JDP2: variants seen among roughly 807,000 people sequenced by gnomAD.
JDP2 encodes the protein progesterone receptor co-activator.
Under a neutral mutation model 17.1 loss-of-function variants are expected in JDP2, and 9 were observed. The ratio of observed to expected loss-of-function variants is 0.53; its 90% CI spans 0.32 to 0.92. The LOEUF (loss-of-function observed/expected upper bound fraction) is 0.92, where lower values mean the gene tolerates loss of function less well. Among genes scored for constraint, JDP2 ranks in the 40% least tolerant of loss-of-function variants. The pLI, the probability that JDP2 is intolerant of heterozygous loss-of-function variation, is 0.04. For missense variants in JDP2, 179 were observed against 220.0 expected, an observed-to-expected ratio of 0.81 and a Z score of 1.18; for synonymous variants, 107 against 95.6, an observed-to-expected ratio of 1.12 and a Z score of -0.69.
chr14:75,436,394 C>G (rs1325857162), intron 1 of JDP2, among the ~76,000 whole-genome samples: 1 of 152,210 alleles, frequency 6.6e-6, no homozygotes, highest in African/African-American at 2.4e-5. Flanking sequence ...ACATCTCTCT[C>G]CATGGGAAGA....
chr14:75,440,839 G>T (rs887341810), intron 2 of JDP2, among the ~76,000 whole-genome samples: 1 of 152,182 alleles, frequency 6.6e-6, no homozygotes, highest in African/African-American at 2.4e-5. Flanking sequence ...TAGTGTTGTT[G>T]CTGTTGTTAT....
At chr14:75,463,935 G>A (rs991482040) in intron 3 of JDP2, among the ~76,000 whole-genome samples, 2 of 152,242 alleles carry the variant, frequency 1.3e-5, no homozygotes, top group African/African-American at 4.8e-5. Flanking sequence ...CTGCAGGAGG[G>A]GAGACGCACA....
At chr14:75,448,401 GCT>G (rs1885704126) in intron 2 of JDP2, among the ~76,000 whole-genome samples, 1 of 152,190 alleles carries the variant, frequency 6.6e-6, no homozygotes, top group Non-Finnish European at 1.5e-5. Context: ...GGATTCTGAT[GCT>G]CTCTGCACAT....
intron 2 of JDP2, among the ~76,000 whole-genome samples, chr14:75,438,728 G>A (rs1594949930): frequency 6.6e-6 from 1 of 152,212 alleles, no homozygotes. Context: ...CACACGTGGA[G>A]CACCCACATG....
Position 75,469,689 on chromosome 14 carries a change from C to T in JDP2, c.*214C>T. The stretch of plus-strand genomic sequence containing the variant: ...TGAGGAAACCCAGAGGGACCAAGCG[C>T]TGAGACCAAAGTTGACCCTCGGGTA... On this transcript the variant is annotated 3_prime_UTR_variant, in exon 4 of 4. Coordinates refer to ENST00000651602, the MANE Select transcript of JDP2 (RefSeq NM_001135048.2). The T allele has an allele frequency of 1.8e-6, 1 of 558,376 alleles. No homozygotes were observed. The highest frequency in any genetic ancestry group is 2.2e-5 in the South Asian group (1 of 46,182). 34.6% of individuals were successfully genotyped at this position (558,376 alleles called of 1,614,324 possible). A position where few individuals can be genotyped will look rare whatever the true frequency, so the allele number is the denominator to read the frequency against.
At chr14:75,456,981 C>T (rs1886140516) in intron 2 of JDP2, among the ~76,000 whole-genome samples, 1 of 152,212 alleles carries the variant, frequency 6.6e-6, no homozygotes, top group African/African-American at 2.4e-5. Context: ...ACTGCCAGGA[C>T]CCGGATGGCC....
At chr14:75,439,766 G>A (rs1885249466) in intron 2 of JDP2, among the ~76,000 whole-genome samples, 1 of 152,188 alleles carries the variant, frequency 6.6e-6, no homozygotes, top group Admixed American at 6.5e-5. Context: ...TCTTCACGAT[G>A]GAGGGTCCTT....
chr14:75,455,296 C>T (rs1389400348), intron 2 of JDP2, among the ~76,000 whole-genome samples: 3 of 152,146 alleles, frequency 2.0e-5, no homozygotes, highest in Admixed American at 1.3e-4. Context: ...AGGAAGTGCT[C>T]GCTGTGGGGA....
chr14:75,461,494 G>T lies in JDP2; in HGVS notation c.270G>T (p.Arg90=). Residue 90 remains arginine (R), a synonymous_variant, in exon 3 of 4, where the codon CGG becomes CGT. Transcript: ENST00000651602. The part of the protein sequence containing the change: ...EKNKVAAARC[R]NKKKERTEFL... ...ACAAAGTCGCAGCAGCCCGATGCCGGAACAAGAAGAAGGAGCGCACGGAGT... is the reference window on the plus strand; with the variant it reads ...ACAAAGTCGCAGCAGCCCGATGCCGTAACAAGAAGAAGGAGCGCACGGAGT... The T allele has an allele frequency of 6.2e-7, 1 of 1,609,502 alleles. No homozygotes were observed. The highest frequency in any genetic ancestry group is 1.1e-5 in the South Asian group (1 of 89,600).
chr14:75,430,339 A>T lies in JDP2; in HGVS notation c.-24+2087A>T, dbSNP rs1422358456. ...TCTGTATTCATTCAGCTCCAGCTCA[A>T]CTTGAGCAATCAGAGCCAGGGTTGA... On this transcript the variant is annotated intron_variant, in intron 1 of 3. Coordinates refer to ENST00000651602, the MANE Select transcript of JDP2 (RefSeq NM_001135048.2). The surrounding 1 kb of genome is among the most constrained non-coding windows in gnomAD (Gnocchi z 4.5). Among the ~76,000 whole-genome samples, 2 of 152,212 alleles carry T rather than the reference A, an allele frequency of 1.3e-5. No homozygotes were observed. Among genetic ancestry groups the T allele is most frequent in the Non-Finnish European group, 2.9e-5 (2 of 68,032 alleles).
chr14:75,438,180 C>A, intron 2 of JDP2, 59 bp downstream of exon 2: 1 of 1,327,736 alleles, frequency 7.5e-7, no homozygotes, highest in Non-Finnish European at 1.0e-6. Context: ...CACCATGGGA[C>A]CTTAACCTTG....
chr14:75,446,474 A>G (rs1249616574), intron 2 of JDP2, among the ~76,000 whole-genome samples: 1 of 152,262 alleles, frequency 6.6e-6, no homozygotes, highest in Non-Finnish European at 1.5e-5. Flanking sequence ...ATTTAGCCAT[A>G]AAAAGGAATG....
chr14:75,456,620 C>G (rs1886117904), intron 2 of JDP2, among the ~76,000 whole-genome samples: 1 of 152,174 alleles, frequency 6.6e-6, no homozygotes, highest in South Asian at 2.1e-4. Context: ...CGTCTTGGAG[C>G]TGAGTGGTTG....
intron 3 of JDP2, among the ~76,000 whole-genome samples, chr14:75,463,401 G>A (rs772647391): frequency 2.8e-4 from 43 of 152,196 alleles, no homozygotes; most frequent in Non-Finnish European, 5.0e-4. Flanking sequence ...TGATCCACCC[G>A]TCCATTTAGT....
In JDP2 at chr14:75,472,365, C is replaced by T. The variant is rs1023945197; in HGVS notation, c.*2890C>T. 3.3e-5 allele frequency: 5 copies of T among 152,218 alleles called. No homozygotes were observed. The highest frequency in any genetic ancestry group is 1.2e-4 in the African/African-American group (5 of 41,454). The allele number at this position is 152,218 out of a possible 1,614,324, so 9.4% of individuals were successfully genotyped here. A position where few individuals can be genotyped will look rare whatever the true frequency, so the allele number is the denominator to read the frequency against. ...GTGCATAAAACCTGAGGCTGAGCCT[C>T]CCCATGAGAGGAAAAATGTGTTTGT... On this transcript the variant is annotated 3_prime_UTR_variant, in exon 4 of 4. Transcript: ENST00000651602.
chr14:75,466,332 T>C (rs1200889134), intron 3 of JDP2, among the ~76,000 whole-genome samples: 1 of 152,162 alleles, frequency 6.6e-6, no homozygotes, highest in Non-Finnish European at 1.5e-5. Flanking sequence ...TCCTAGCTAC[T>C]TGGGTGGCTG....
intron 2 of JDP2, among the ~76,000 whole-genome samples, chr14:75,442,693 C>G (rs891998151): frequency 3.3e-4 from 50 of 152,272 alleles, no homozygotes; most frequent in African/African-American, 1.1e-3. Context: ...CGTGGCTGGT[C>G]ATCAAAACAC....
chr14:75,457,229 A>G (rs1266391737), intron 2 of JDP2, among the ~76,000 whole-genome samples: 2 of 152,246 alleles, frequency 1.3e-5, no homozygotes, highest in African/African-American at 4.8e-5. Flanking sequence ...TGTGTGGTAC[A>G]AATACTCTCT....
In JDP2 at chr14:75,469,418, T is replaced by C. The variant is rs763604441; in HGVS notation, c.435T>C (p.Ser145=). 11 of 1,613,796 alleles carry C rather than the reference T, an allele frequency of 6.8e-6. No individual in the cohort carries two copies. Among genetic ancestry groups the C allele is most frequent in the Non-Finnish European group, 9.3e-6 (11 of 1,179,938 alleles). Residue 145 remains serine (S), a synonymous_variant, in exon 4 of 4, where the codon AGT becomes AGC. Transcript: ENST00000651602. ...CCACCTGCATCGTCCGGACCGACAGTGTCAAGACCCCCGAGTCAGAAGGCA... is the reference window on the plus strand; with the variant it reads ...CCACCTGCATCGTCCGGACCGACAGCGTCAAGACCCCCGAGTCAGAAGGCA... The part of the protein sequence containing the change: ...HRPTCIVRTD[S]VKTPESEGNP...
Sources: gnomAD v4.1 joint callset for allele counts (sites outside exome capture counted in the v4.1 genomes callset) on GRCh38, gnomAD v4.1.1 for gene constraint, Gnocchi (gnomAD v3.1) non-coding constraint, MANE v1.5 for transcripts, NCBI Gene and HGNC (gene_info 2026-07-23, HGNC 2026-07-21) for gene names.